CACNA1B: variants seen among roughly 807,000 people sequenced by gnomAD.
CACNA1B encodes the protein calcium voltage-gated channel subunit alpha1 B.
CACNA1B carries 70 observed loss-of-function variants against 247.2 expected under a neutral mutation model. The ratio of observed to expected loss-of-function variants is 0.28; its 90% confidence interval spans 0.23 to 0.35. The LOEUF is 0.35. Ranked by LOEUF, CACNA1B falls within the 10% of genes least tolerant of loss-of-function variation. The pLI is 1.00. For synonymous variants in CACNA1B, 1,231 were observed against 1,294.4 expected, an observed-to-expected ratio of 0.95 and a Z score of 1.05; for missense variants, 2,367 against 3,197.4, an observed-to-expected ratio of 0.74 and a Z score of 6.26.
In CACNA1B at chr9:138,121,793, G is replaced by T. The variant is rs763026357; in HGVS notation, c.6814G>T (p.Ala2272Ser). The change falls in exon 47 of 47, where the codon GCC becomes TCC. Residue 2272 changes from alanine (A) to serine (S), a missense_variant. Physicochemically the swap from Ala to Ser is moderately conservative, Grantham distance 99. This residue lies in a region of CACNA1B where 773 missense variants were observed against 779.4 expected (regional missense o/e 0.99). Transcript: ENST00000371372. This position sits in a 1 kb window ranked among gnomAD's most constrained non-coding sequence, Gnocchi z 6.8. ...QRLDSEASVH[A>S]LPEDTLTFEE... ...TCTGGACAGTGAGGCCTCTGTCCAC[G>T]CCCTGCCTGAGGACACTCTCACTTT... 1.2e-6 allele frequency: 2 copies of T among 1,612,958 alleles called. No individual in the cohort carries two copies. Among genetic ancestry groups the T allele is most frequent in the South Asian group, 2.2e-5 (2 of 91,084 alleles).
rs769500676 is a variant in CACNA1B, at chr9:138,025,082, C to G, written c.3196C>G (p.Arg1066Gly). The change falls in exon 20 of 47, where the codon CGC becomes GGC. Residue 1066 changes from arginine to glycine, a missense_variant. Arg to Gly is a moderately radical substitution (Grantham distance 125). Coordinates refer to ENST00000371372, the MANE Select transcript of CACNA1B (RefSeq NM_000718.4). ...TGCAGACAATCAGCGGAACGTCACTCGCATGGGCAGTCAGCCCCCAGACCC... is the reference window on the plus strand; with the variant it reads ...TGCAGACAATCAGCGGAACGTCACTGGCATGGGCAGTCAGCCCCCAGACCC... ...EDADNQRNVTRMGSQPPDPNT... is the reference protein window; with the variant it reads ...EDADNQRNVTGMGSQPPDPNT... 1.2e-6 allele frequency: 2 copies of G among 1,613,018 alleles called. No homozygotes were observed. Among genetic ancestry groups the G allele is most frequent in the Admixed American group, 1.7e-5 (1 of 59,932 alleles).
chr9:138,053,792 A>C (rs1389307600), intron 25 of CACNA1B, 54 bp from the exon 26 acceptor site: 4,790 of 872,538 alleles, frequency 5.5e-3, no homozygotes, highest in South Asian at 0.031. Context: ...TCATGGCCCC[A>C]CTCTCCCACC....
chr9:138,120,376 C>T lies in CACNA1B; in HGVS notation c.6238+4C>T, dbSNP rs755903246. 3.4e-5 allele frequency: 53 copies of T among 1,544,194 alleles called. No individual in the cohort carries two copies. Among genetic ancestry groups the T allele is most frequent in the Admixed American group, 5.7e-5 (3 of 52,322 alleles). ...CTGTCTGCCGATATGGATGGCGGTG[C>T]GTGCGGAGGGGCCCGGGGAGTCCTT... On this transcript the variant is annotated splice_donor_region_variant and intron_variant, in intron 45 of 46. Transcript: ENST00000371372.
intron 36 of CACNA1B, among the ~76,000 whole-genome samples, 179 bp from the exon 37 acceptor site, chr9:138,096,305 C>T (rs1240269096): frequency 2.0e-5 from 3 of 151,976 alleles, no homozygotes; most frequent in Non-Finnish European, 2.9e-5. Flanking sequence ...ATTCCAGAAC[C>T]CCGTGAAGGC....
chr9:137,985,809 G>A (rs1166950129), intron 13 of CACNA1B, among the ~76,000 whole-genome samples: 1 of 152,234 alleles, frequency 6.6e-6, no homozygotes, highest in African/African-American at 2.4e-5. Context: ...CATGAGCAGG[G>A]CACGGTCACT....
rs1957941734 is a variant in CACNA1B, at chr9:137,955,944, G to A, written c.1186+131G>A. ...CTGAAGGGATTTTGTAGTGAGCAGA[G>A]TGAGAAGGGATTTCTCTCTAGCTCA... On this transcript the variant is annotated intron_variant, in intron 8 of 46. Coordinates refer to ENST00000371372, the MANE Select transcript of CACNA1B (RefSeq NM_000718.4). The surrounding 1 kb of genome is among the most constrained non-coding windows in gnomAD (Gnocchi z 6.9). The A allele has an allele frequency of 1.5e-6, 1 of 686,518 alleles. No individual in the cohort carries two copies. The highest frequency in any genetic ancestry group is 1.8e-5 in the African/African-American group (1 of 55,532). 42.5% of individuals were successfully genotyped at this position (686,518 alleles called of 1,614,324 possible).
chr9:137,997,840 C>T (rs12555003), intron 15 of CACNA1B, among the ~76,000 whole-genome samples: 3,708 of 152,256 alleles, frequency 0.024, 67 homozygotes, highest in Non-Finnish European at 0.037. Flanking sequence ...GTAAAGCCAT[C>T]CTAGCAGCAT....
At chr9:138,090,050 A>G (rs1960825973) in intron 36 of CACNA1B, among the ~76,000 whole-genome samples, 1 of 152,196 alleles carries the variant, frequency 6.6e-6, no homozygotes, top group African/African-American at 2.4e-5. Context: ...TCAAAATACC[A>G]ATGACATTCT....
chr9:138,115,705 C>A (rs1401101625), intron 42 of CACNA1B, 26 bp downstream of exon 42: 1 of 1,601,142 alleles, frequency 6.2e-7, no homozygotes, highest in Non-Finnish European at 8.5e-7. Context: ...CAGGACATAG[C>A]TGGACAGGAG....
chr9:138,027,194 A>T lies in CACNA1B; in HGVS notation c.3286+2022A>T, dbSNP rs1958931758. ...CTTTCATCAGATATGTGTTTTTGCA[A>T]GCATTTTCTCCCATTTTGTGGCTTG... On this transcript the variant is annotated intron_variant, in intron 20 of 46. Coordinates refer to ENST00000371372, the MANE Select transcript of CACNA1B (RefSeq NM_000718.4). Among the ~76,000 whole-genome samples, 4 of 152,286 alleles carry T rather than the reference A, an allele frequency of 2.6e-5. No homozygotes were observed. In the South Asian group the frequency reaches 8.3e-4, roughly 32 times the overall value.
chr9:138,120,564 T>C (rs2131374125), intron 45 of CACNA1B, 67 bp from the exon 46 acceptor site: 3 of 1,451,132 alleles, frequency 2.1e-6, no homozygotes, highest in East Asian at 5.0e-5. Context: ...TCTGTCCTGC[T>C]GGGCCCGGGG....
chr9:138,121,663 C>G lies in CACNA1B; in HGVS notation c.6684C>G (p.Leu2228=). The G allele has an allele frequency of 6.2e-7, 1 of 1,612,936 alleles. No individual in the cohort carries two copies. Among genetic ancestry groups the G allele is most frequent in the East Asian group, 2.2e-5 (1 of 44,830 alleles). ...TCCCTGCCTTCTCCCCAGGCCGGCT[C>G]AGCCGTGGGCTTTCCGAACACAACG... is the stretch of plus-strand genomic sequence containing the variant. ...TSLPAFSPGR[L]SRGLSEHNAL... Residue 2228 remains leucine (L), a synonymous_variant, in exon 47 of 47, where the codon CTC becomes CTG. Transcript: ENST00000371372. This position sits in a 1 kb window ranked among gnomAD's most constrained non-coding sequence, Gnocchi z 6.8.
In CACNA1B at chr9:138,035,065, T is replaced by A. The variant is rs1174942354; in HGVS notation, c.3287-8709T>A. ...CAGCTAGCAACTTAAAACTTATGAA[T>A]TACTTCTGGAATTTTCCACCTGCAT... is the stretch of plus-strand genomic sequence containing the variant. On this transcript the variant is annotated intron_variant, in intron 20 of 46. Transcript: ENST00000371372. Among the ~76,000 whole-genome samples the A allele has an allele frequency of 2.0e-5, 3 of 152,210 alleles. No individual in the cohort carries two copies. In the East Asian group the frequency reaches 5.8e-4, roughly 29 times the overall value.
rs772048181 is a variant in CACNA1B, at chr9:138,059,771, C to G, written c.4668+34C>G. 2 of 1,313,698 alleles carry G rather than the reference C, an allele frequency of 1.5e-6. No individual in the cohort carries two copies. Among genetic ancestry groups the G allele is most frequent in the South Asian group, 1.2e-5 (1 of 84,892 alleles). The allele number at this position is 1,313,698 out of a possible 1,614,324, so 81.4% of individuals were successfully genotyped here. ...CATTTCTGTCCCTCCTTCAGGGTCCCCAGGTGGTTTCCTTCTAGAGCCTGC... is the reference window on the plus strand; with the variant it reads ...CATTTCTGTCCCTCCTTCAGGGTCCGCAGGTGGTTTCCTTCTAGAGCCTGC... On this transcript the variant is annotated intron_variant, in intron 31 of 46. Transcript: ENST00000371372. This position sits in a 1 kb window ranked among gnomAD's most constrained non-coding sequence, Gnocchi z 4.2.
At chr9:138,108,726 A>G (rs111495000) in intron 39 of CACNA1B, among the ~76,000 whole-genome samples, 16,863 of 151,332 alleles carry the variant, frequency 0.11, 1,296 homozygotes, top group Non-Finnish European at 0.16. Flanking sequence ...TTGGCTCACT[A>G]CAAGCTCTGC....
chr9:138,043,228 G>C (rs1959149027), intron 20 of CACNA1B, among the ~76,000 whole-genome samples: 1 of 152,160 alleles, frequency 6.6e-6, no homozygotes, highest in Non-Finnish European at 1.5e-5. Context: ...GAGGGAGCAG[G>C]GCCTGAGCAG....
At position 138,072,600 on chromosome 9, in the gene CACNA1B, A is replaced by G. The variant is rs1368302712; in HGVS notation, c.4675-888A>G. 6.6e-6 allele frequency among the ~76,000 whole-genome samples: 1 copy of G among 152,218 alleles called. No individual in the cohort carries two copies. Among genetic ancestry groups the G allele is most frequent in the African/African-American group, 2.4e-5 (1 of 41,448 alleles). On this transcript the variant is annotated intron_variant, in intron 32 of 46. Transcript: ENST00000371372. The surrounding 1 kb of genome is among the most constrained non-coding windows in gnomAD (Gnocchi z 4.5). ...GGCTGTGTGTGGGCACCTGACCTCTAGGTAGACAGAGGGCAGAAAGCCTCC... is the reference window on the plus strand; with the variant it reads ...GGCTGTGTGTGGGCACCTGACCTCTGGGTAGACAGAGGGCAGAAAGCCTCC...
intron 15 of CACNA1B, among the ~76,000 whole-genome samples, chr9:138,005,911 T>C (rs1320342470): frequency 6.6e-6 from 1 of 151,364 alleles, no homozygotes; most frequent in Non-Finnish European, 1.5e-5. Flanking sequence ...GGTGAGGTGG[T>C]GGGTGCCTGT....
intron 15 of CACNA1B, among the ~76,000 whole-genome samples, chr9:138,003,778 CTTTTTT>C (rs11305081): frequency 1.2e-5 from 1 of 86,894 alleles, no homozygotes; most frequent in Non-Finnish European, 2.1e-5. Context: ...ACGGGCTTGC[CTTTTTT>C]TTTTTTTTTT....
Sources: gnomAD v4.1 joint callset for allele counts (sites outside exome capture counted in the v4.1 genomes callset) on GRCh38, gnomAD v4.1.1 for gene constraint, gnomAD v4.1.1 regional missense constraint, Gnocchi (gnomAD v3.1) non-coding constraint, MANE v1.5 for transcripts, NCBI Gene and HGNC (gene_info 2026-07-23, HGNC 2026-07-21) for gene names.